Variants in ITCH observed in about 807,000 individuals in gnomAD.
ITCH encodes E3 ubiquitin-protein ligase Itchy homolog.
In ITCH, 28 loss-of-function variants were observed where a neutral mutation model predicts 126.8. That is an observed-to-expected ratio of 0.22 (90% CI 0.16 to 0.30). The LOEUF (loss-of-function observed/expected upper bound fraction) is 0.30. Among genes scored for constraint, ITCH ranks in the 10% least tolerant of loss-of-function variants. The probability of loss-of-function intolerance (pLI) is 1.00; values close to 1 mark genes in which losing one functional copy is unlikely to be tolerated. For missense variants in ITCH, 631 were observed against 1,032.4 expected, an observed-to-expected ratio of 0.61 and a Z score of 5.33; for synonymous variants, 342 against 340.0, an observed-to-expected ratio of 1.01 and a Z score of -0.06.
intron 6 of ITCH, among the ~76,000 whole-genome samples, chr20:34,414,997 A>C (rs1979630703): frequency 6.6e-6 from 1 of 152,264 alleles, no homozygotes; most frequent in African/African-American, 2.4e-5. Flanking sequence ...CACAGCTAGC[A>C]TATTTAATAG....
intron 3 of ITCH, among the ~76,000 whole-genome samples, chr20:34,408,415 A>G (rs1020944462): frequency 6.6e-6 from 1 of 152,154 alleles, no homozygotes; most frequent in Non-Finnish European, 1.5e-5. Context: ...TGGACTTTTG[A>G]TACCATGGAA....
chr20:34,465,944 A>G (rs1016569287), intron 14 of ITCH, among the ~76,000 whole-genome samples: 2 of 152,056 alleles, frequency 1.3e-5, no homozygotes, highest in Non-Finnish European at 2.9e-5. Context: ...TCTGGATACT[A>G]TGTTGACTAC....
intron 7 of ITCH, among the ~76,000 whole-genome samples, chr20:34,427,307 C>T (rs899360991): frequency 3.9e-5 from 6 of 152,072 alleles, no homozygotes; most frequent in Non-Finnish European, 7.4e-5. Context: ...TCAATGGGGC[C>T]GGTCATGGTA....
chr20:34,424,646 C>T, intron 7 of ITCH, 121 bp downstream of exon 7: 2 of 855,236 alleles, frequency 2.3e-6, no homozygotes, highest in Non-Finnish European at 4.0e-6. Flanking sequence ...GAATTCAGAA[C>T]TCAAGAAGGG....
At chr20:34,470,423 T>TAA (rs770574902) in intron 15 of ITCH, among the ~76,000 whole-genome samples, 5 of 149,456 alleles carry the variant, frequency 3.3e-5, no homozygotes, top group African/African-American at 9.8e-5. Flanking sequence ...CCTCTGTAAA[T>TAA]ATATATATAT....
At chr20:34,454,532 C>T (rs184335116) in intron 12 of ITCH, 1 of 151,980 alleles carries the variant, frequency 6.6e-6, no homozygotes, top group Admixed American at 6.6e-5. Flanking sequence ...AGGCAGAGTC[C>T]CACTTTTCTG....
rs190987927 is a variant in ITCH at position 34,384,810 on chromosome 20, G to A, written c.-21-8981G>A. Among the ~76,000 whole-genome samples the A allele has an allele frequency of 4.4e-3, 656 of 150,498 alleles. 2 individuals carry two copies. The highest frequency in any genetic ancestry group is 6.7e-3 in the Non-Finnish European group (452 of 67,622). On this transcript the variant is annotated intron_variant, in intron 2 of 24. Transcript: ENST00000374864. ...CAAGTACCTGGGACTACAGGCGCCC[G>A]CCACCACACCTGGCTAATTTTTTTT...
chr20:34,466,714 C>G (rs1159679140), intron 14 of ITCH, among the ~76,000 whole-genome samples: 1 of 152,052 alleles, frequency 6.6e-6, no homozygotes, highest in Admixed American at 6.6e-5. Flanking sequence ...AAAGAAGTTA[C>G]AAGAAAAATC....
intron 6 of ITCH, among the ~76,000 whole-genome samples, chr20:34,418,590 C>CA (rs1980281189): frequency 6.6e-6 from 1 of 151,958 alleles, no homozygotes; most frequent in Non-Finnish European, 1.5e-5. Context: ...TACTAGATCT[C>CA]AACTGGTCTG....
At chr20:34,478,605 A>C (rs1311862507) in intron 17 of ITCH, among the ~76,000 whole-genome samples, 4 of 152,204 alleles carry the variant, frequency 2.6e-5, no homozygotes, top group Non-Finnish European at 1.5e-5. Context: ...TCTGTAAAAT[A>C]AGAATATTAA....
chr20:34,501,613 T>G (rs966582454), intron 23 of ITCH, among the ~76,000 whole-genome samples: 1 of 151,898 alleles, frequency 6.6e-6, no homozygotes, highest in East Asian at 1.9e-4. Flanking sequence ...GTATCTCTAC[T>G]GAAAATACAA....
At position 34,402,467 on chromosome 20, in the gene ITCH, C is replaced by T. The variant is rs192990992; in HGVS notation, c.71-6184C>T. 58 of 767,328 alleles carry T rather than the reference C, an allele frequency of 7.6e-5. No individual in the cohort carries two copies. In the African/African-American group the frequency reaches 9.3e-4, roughly 12 times the overall value. The allele number at this position is 767,328 out of a possible 1,614,324, so 47.5% of individuals were successfully genotyped here. On this transcript the variant is annotated intron_variant, in intron 3 of 24. Coordinates refer to ENST00000374864, the MANE Select transcript of ITCH (RefSeq NM_031483.7). ...TGAAAATGGAGAGATGGAGAGACCA[C>T]TGAAAAATAGACTAGAAATACATCT...
Position 34,504,390 on chromosome 20 carries a change from A to C in ITCH, c.2476A>C (p.Arg826=). ...EKVGKENWLP[R]SHTCFNRLDL... is the part of the protein sequence containing the mutation. ...AGTTGGGAAAGAAAATTGGCTACCCAGAAGTCATACCTGGTAAGTACAATC... is the reference window on the plus strand; with the variant it reads ...AGTTGGGAAAGAAAATTGGCTACCCCGAAGTCATACCTGGTAAGTACAATC... The change falls in exon 24 of 25, where the codon AGA becomes CGA. Residue 826 remains arginine (R), a synonymous_variant. Transcript: ENST00000374864. The C allele has an allele frequency of 6.2e-7, 1 of 1,609,942 alleles. No individual in the cohort carries two copies. Among genetic ancestry groups the C allele is most frequent in the South Asian group, 1.1e-5 (1 of 90,978 alleles).
intron 2 of ITCH, among the ~76,000 whole-genome samples, chr20:34,390,137 A>C (rs1185410966): frequency 6.6e-6 from 1 of 152,004 alleles, no homozygotes. Flanking sequence ...AAAAGAAAAA[A>C]ATTGGTTAGC....
At chr20:34,407,035 A>AT (rs2039083235) in intron 3 of ITCH, among the ~76,000 whole-genome samples, 1 of 152,072 alleles carries the variant, frequency 6.6e-6, no homozygotes, top group Non-Finnish European at 1.5e-5. Context: ...CACCTATGGA[A>AT]ATCATGGGGT....
At chr20:34,449,593 A>C (rs1352711664) in intron 12 of ITCH, 113 bp downstream of exon 12, 5 of 744,684 alleles carry the variant, frequency 6.7e-6, no homozygotes, top group Non-Finnish European at 1.2e-5. Flanking sequence ...GCTTGAGTGA[A>C]TGTCTGGGAA....
intron 12 of ITCH, chr20:34,454,601 C>T (rs1985671707): frequency 6.6e-6 from 1 of 152,076 alleles, no homozygotes; most frequent in African/African-American, 2.4e-5. Context: ...TAGAAAGTAG[C>T]TTTAAATGTC....
At chr20:34,423,904 C>T (rs1263514948) in intron 6 of ITCH, among the ~76,000 whole-genome samples, 2 of 152,128 alleles carry the variant, frequency 1.3e-5, no homozygotes, top group Admixed American at 1.3e-4. Context: ...CACCTGGCTC[C>T]TCCAACACTG....
chr20:34,419,485 C>CTTTTTTTTTT (rs1192397617), intron 6 of ITCH, among the ~76,000 whole-genome samples: 1 of 141,096 alleles, frequency 7.1e-6, no homozygotes. Flanking sequence ...TCAGTGTTGC[C>CTTTTTTTTTT]TTTTTTTTTT....
Sources: allele counts gnomAD v4.1 joint callset (sites outside exome capture counted in the v4.1 genomes callset), GRCh38; gene constraint gnomAD v4.1.1; transcripts MANE v1.5; gene names NCBI Gene and HGNC (gene_info 2026-07-23, HGNC 2026-07-21).